KIF1B: variants seen among roughly 807,000 people sequenced by gnomAD.
KIF1B encodes kinesin family member 1B.
KIF1B carries 76 observed loss-of-function variants against 241.9 expected under a neutral mutation model. That is an observed-to-expected ratio of 0.31 (90% CI 0.26 to 0.38). KIF1B has a LOEUF of 0.38. KIF1B is among the 10% of genes least tolerant of loss of function. The pLI is 1.00. For missense variants in KIF1B, 1,622 were observed against 2,271.4 expected (o/e 0.71, Z 5.81); for synonymous variants, 750 against 796.7 (o/e 0.94, Z 0.99).
chr1:10,315,085 T>A (rs1261038753), intron 22 of KIF1B, among the ~76,000 whole-genome samples: 1 of 151,220 alleles, frequency 6.6e-6, no homozygotes, highest in Non-Finnish European at 1.5e-5. Flanking sequence ...TACTTATATA[T>A]TTTTCCTGAA....
intron 13 of KIF1B, chr1:10,278,867 A>T: frequency 2.2e-6 from 1 of 461,100 alleles, no homozygotes; most frequent in Non-Finnish European, 3.9e-6. Flanking sequence ...GTAAAGTTAA[A>T]CTTATATTCC....
intron 38 of KIF1B, among the ~76,000 whole-genome samples, chr1:10,356,599 T>TAAAA (rs368122273): frequency 6.7e-6 from 1 of 148,442 alleles, no homozygotes; most frequent in Non-Finnish European, 1.5e-5. Context: ...GCAGATGCTT[T>TAAAA]AAAAAAAGAA....
At chr1:10,249,180 A>G (rs1489004186) in intron 2 of KIF1B, among the ~76,000 whole-genome samples, 2 of 152,132 alleles carry the variant, frequency 1.3e-5, no homozygotes, top group Admixed American at 6.5e-5. Context: ...TATATGTTGA[A>G]TGTGTTCCTT....
At position 10,323,922 on chromosome 1, in the gene KIF1B, C is replaced by T. The variant is rs770641216; in HGVS notation, c.2397C>T (p.Tyr799=). ...FQFVLLTDTL[Y]SPLPPELLPT... ...TTGTTCTGCTGACTGACACACTGTA[C>T]TCCCCTTTGCCTCCTGAATTACTTC... Residue 799 remains tyrosine (Y), a synonymous_variant, in exon 25 of 49, where the codon TAC becomes TAT. Coordinates refer to ENST00000676179, the MANE Select transcript of KIF1B (RefSeq NM_001365951.3). 8 of 1,614,086 alleles carry T rather than the reference C, an allele frequency of 5.0e-6. No individual in the cohort carries two copies. In the Admixed American group the frequency reaches 1.2e-4, roughly 24 times the overall value.
rs367629158 is a variant in KIF1B at position 10,232,308 on chromosome 1, A to G, written c.-21A>G. Reference sequence around the variant, plus strand: ...TTCTTTATTTCTGGACTGCATATATATATATAACAAGGCCATTAAAATGTC... The same window carrying G: ...TTCTTTATTTCTGGACTGCATATATGTATATAACAAGGCCATTAAAATGTC... On this transcript the variant is annotated 5_prime_UTR_variant, in exon 2 of 49. In the 5' UTR this introduces an upstream ATG that the reference lacks. Transcript: ENST00000676179. 23 of 1,499,594 alleles carry G rather than the reference A, an allele frequency of 1.5e-5. No homozygotes were observed. The highest frequency in any genetic ancestry group is 3.4e-4 in the Middle Eastern group (2 of 5,860). 92.9% of individuals were successfully genotyped at this position (1,499,594 alleles called of 1,614,324 possible). A position where few individuals can be genotyped will look rare whatever the true frequency, so the allele number is the denominator to read the frequency against.
intron 25 of KIF1B, among the ~76,000 whole-genome samples, 155 bp downstream of exon 25, chr1:10,324,217 A>G (rs1651634758): frequency 6.6e-6 from 1 of 152,096 alleles, no homozygotes; most frequent in Non-Finnish European, 1.5e-5. Context: ...ATTACCATCC[A>G]TCTGTTTTCT....
At chr1:10,256,652 A>G (rs920244452) in intron 3 of KIF1B, among the ~76,000 whole-genome samples, 57 of 151,212 alleles carry the variant, frequency 3.8e-4, no homozygotes, top group African/African-American at 1.4e-3. Flanking sequence ...TAGGATCCTC[A>G]TTACCAACAT....
chr1:10,275,797 A>T (rs1413994523), intron 11 of KIF1B, among the ~76,000 whole-genome samples: 2 of 152,166 alleles, frequency 1.3e-5, no homozygotes, highest in African/African-American at 4.8e-5. Flanking sequence ...AAGTTATTTC[A>T]AAACTCCATG....
At chr1:10,340,212 C>T (rs143691625) in intron 32 of KIF1B, among the ~76,000 whole-genome samples, 2 of 152,224 alleles carry the variant, frequency 1.3e-5, no homozygotes, top group East Asian at 3.9e-4. Flanking sequence ...TTATGTTGCT[C>T]GATTGCAAAT....
At chr1:10,325,285 G>A (rs1443908836) in intron 26 of KIF1B, among the ~76,000 whole-genome samples, 2 of 151,910 alleles carry the variant, frequency 1.3e-5, no homozygotes, top group Admixed American at 6.6e-5. Flanking sequence ...TTTTTAAAAA[G>A]CAATTCATCC....
intron 4 of KIF1B, among the ~76,000 whole-genome samples, chr1:10,260,717 A>G (rs1648085190): frequency 6.6e-6 from 1 of 151,926 alleles, no homozygotes; most frequent in Non-Finnish European, 1.5e-5. Context: ...ATACAAAAAA[A>G]TGAGCCAGGC....
At position 10,377,713 on chromosome 1, in the gene KIF1B, C is replaced by G. The variant is rs1445220386; in HGVS notation, c.*1126C>G. ...AAGCACTTGGGGAGGCCGAGGCGGG[C>G]AGATCACGAGATCAGGAGTTCAAGA... On this transcript the variant is annotated 3_prime_UTR_variant, in exon 49 of 49. Coordinates refer to ENST00000676179, the MANE Select transcript of KIF1B (RefSeq NM_001365951.3). The G allele has an allele frequency of 5.3e-6, 1 of 187,540 alleles. No homozygotes were observed. Among genetic ancestry groups the G allele is most frequent in the East Asian group, 8.7e-5 (1 of 11,546 alleles). 11.6% of individuals were successfully genotyped at this position (187,540 alleles called of 1,614,324 possible). A position where few individuals can be genotyped will look rare whatever the true frequency, so the allele number is the denominator to read the frequency against.
In KIF1B at chr1:10,319,397, G is replaced by T. The variant is rs538313554; in HGVS notation, c.2116-646G>T. On this transcript the variant is annotated intron_variant, in intron 22 of 48. Coordinates refer to ENST00000676179, the MANE Select transcript of KIF1B (RefSeq NM_001365951.3). The stretch of plus-strand genomic sequence containing the variant: ...ATTACAGGTGTGAGCCACTGCACCC[G>T]GTCAGTAATCCATCTTATAGTTGCA... Among the ~76,000 whole-genome samples, 7 of 152,022 alleles carry T rather than the reference G, an allele frequency of 4.6e-5. No individual in the cohort carries two copies. In the East Asian group the frequency reaches 9.6e-4, roughly 21 times the overall value.
Position 10,365,458 on chromosome 1 carries a change from G to A in KIF1B, c.4562G>A (p.Ser1521Asn), listed in dbSNP as rs773321559. ...FLLLRERLGD[S>N]IPKSLSDSLS... The stretch of plus-strand genomic sequence containing the variant: ...CTGCTGCGTGAGAGACTTGGTGACA[G>A]CATCCCCAAATCCCTGAGCGACTCG... The change falls in exon 43 of 49, where the codon AGC becomes AAC. Residue 1521 changes from serine to asparagine, a missense_variant. Transcript: ENST00000676179. The surrounding 1 kb of genome is among the most constrained non-coding windows in gnomAD (Gnocchi z 4.0). 2.5e-6 allele frequency: 4 copies of A among 1,614,170 alleles called. No individual in the cohort carries two copies. Among genetic ancestry groups the A allele is most frequent in the South Asian group, 2.2e-5 (2 of 91,088 alleles).
rs1050700481 is a variant in KIF1B, at chr1:10,379,604, T to C, written c.*3017T>C. ...ATAGCCCTTAAGGAAACCACCTTTATGTATTTTCTTAAAGCACGCCTTTAA... is the reference window on the plus strand; with the variant it reads ...ATAGCCCTTAAGGAAACCACCTTTACGTATTTTCTTAAAGCACGCCTTTAA... On this transcript the variant is annotated 3_prime_UTR_variant, in exon 49 of 49. Transcript: ENST00000676179. 8 of 231,634 alleles carry C rather than the reference T, an allele frequency of 3.5e-5. No homozygotes were observed. Among genetic ancestry groups the C allele is most frequent in the Non-Finnish European group, 6.8e-5 (8 of 117,128 alleles). The allele number at this position is 231,634 out of a possible 1,614,324, so 14.3% of individuals were successfully genotyped here.
At chr1:10,228,103 T>C (rs1019392003) in intron 1 of KIF1B, among the ~76,000 whole-genome samples, 1 of 151,616 alleles carries the variant, frequency 6.6e-6, no homozygotes, top group African/African-American at 2.4e-5. Context: ...GAGAATTGCT[T>C]GAATCCCGAA....
Position 10,245,851 on chromosome 1 carries a change from A to G in KIF1B, c.107-10396A>G, listed in dbSNP as rs777950590. ...AATATAACGTGACTGACTACTTCAAACAGTTCATTTTCTTGGCTCTTAGTA... is the reference window on the plus strand; with the variant it reads ...AATATAACGTGACTGACTACTTCAAGCAGTTCATTTTCTTGGCTCTTAGTA... On this transcript the variant is annotated intron_variant, in intron 2 of 48. Transcript: ENST00000676179. 1.8e-4 allele frequency among the ~76,000 whole-genome samples: 27 copies of G among 152,136 alleles called. 1 individual carries two copies. The highest frequency in any genetic ancestry group is 3.2e-4 in the Non-Finnish European group (22 of 68,038).
intron 26 of KIF1B, among the ~76,000 whole-genome samples, chr1:10,325,101 A>G (rs12133871): frequency 6.6e-6 from 1 of 152,182 alleles, no homozygotes; most frequent in African/African-American, 2.4e-5. Flanking sequence ...TCGACTCTCA[A>G]ACTTTCAGCC....
In KIF1B at chr1:10,303,817, G is replaced by A. The variant is rs1325840367; in HGVS notation, c.2115+6571G>A. On this transcript the variant is annotated intron_variant, in intron 22 of 48. Coordinates refer to ENST00000676179, the MANE Select transcript of KIF1B (RefSeq NM_001365951.3). The surrounding 1 kb of genome is among the most constrained non-coding windows in gnomAD (Gnocchi z 5.2). ...AGGAAGCCACAAAGCAAAGGAGCCTGTTGGTGCTGGTGTTAGTAGCACCTC... is the reference window on the plus strand; with the variant it reads ...AGGAAGCCACAAAGCAAAGGAGCCTATTGGTGCTGGTGTTAGTAGCACCTC... 1 of 1,614,118 alleles carries A rather than the reference G, an allele frequency of 6.2e-7. No homozygotes were observed. Among genetic ancestry groups the A allele is most frequent in the Non-Finnish European group, 8.5e-7 (1 of 1,180,050 alleles).
Sources: gnomAD v4.1 joint callset for allele counts (sites outside exome capture counted in the v4.1 genomes callset) on GRCh38, gnomAD v4.1.1 for gene constraint, Gnocchi (gnomAD v3.1) non-coding constraint, MANE v1.5 for transcripts, NCBI Gene and HGNC (gene_info 2026-07-23, HGNC 2026-07-21) for gene names.